The following PRKAG2 variants were observed in gnomAD, a reference collection of about 807,000 sequenced individuals.
PRKAG2 encodes protein kinase AMP-activated non-catalytic subunit gamma 2, also known as 5'-AMP-activated protein kinase subunit gamma-2.
A neutral mutation model predicts 69.6 loss-of-function variants in PRKAG2; 26 were observed. The observed-to-expected ratio is 0.37, with a 90% CI of 0.27 to 0.52. The LOEUF (loss-of-function observed/expected upper bound fraction) is 0.52. PRKAG2 is among the 20% of genes least tolerant of loss of function. The probability of loss-of-function intolerance (pLI) is 0.90; values close to 1 mark genes in which losing one functional copy is unlikely to be tolerated. For missense variants in PRKAG2, 557 were observed against 740.0 expected (o/e 0.75, Z 2.87); for synonymous variants, 293 against 285.0 (o/e 1.03, Z -0.28).
chr7:151,672,562 C>G (rs1380390542), intron 4 of PRKAG2, among the ~76,000 whole-genome samples: 3 of 151,824 alleles, frequency 2.0e-5, no homozygotes, highest in African/African-American at 7.3e-5. Context: ...GCCCCCGGTA[C>G]CCACCATTCT....
At chr7:151,778,022 A>AT (rs2076474916) in intron 3 of PRKAG2, among the ~76,000 whole-genome samples, 1 of 151,932 alleles carries the variant, frequency 6.6e-6, no homozygotes, top group Non-Finnish European at 1.5e-5. Context: ...TTTTGAGATA[A>AT]TTTTTTAGAC....
chr7:151,732,282 A>G (rs1212509857), intron 3 of PRKAG2, among the ~76,000 whole-genome samples: 3 of 151,842 alleles, frequency 2.0e-5, no homozygotes, highest in Admixed American at 2.0e-4. Flanking sequence ...GGGACTACCG[A>G]CATGCACCAC....
intron 5 of PRKAG2, among the ~76,000 whole-genome samples, chr7:151,629,726 C>T (rs970186934): frequency 3.3e-5 from 5 of 151,788 alleles, no homozygotes; most frequent in African/African-American, 1.2e-4. Flanking sequence ...CATGTGTTTC[C>T]ACGTACAGCG....
rs189767141 is a variant in PRKAG2 at position 151,814,402 on chromosome 7, G to T, written c.115-27861C>A. Reference sequence around the variant, plus strand: ...CTATGCATTTAGAAAGCCAGCTCCCGCAGGTCTGCTTACTCAGCCCCAAGG... The same window carrying T: ...CTATGCATTTAGAAAGCCAGCTCCCTCAGGTCTGCTTACTCAGCCCCAAGG... On this transcript the variant is annotated intron_variant, in intron 1 of 15. Transcript: ENST00000287878. This position sits in a 1 kb window ranked among gnomAD's most constrained non-coding sequence, Gnocchi z 4.8. 4.5e-3 allele frequency: 5,513 copies of T among 1,223,586 alleles called. 15 individuals are homozygous for T. Among genetic ancestry groups the T allele is most frequent in the Non-Finnish European group, 5.2e-3 (5,075 of 983,208 alleles). The allele number at this position is 1,223,586 out of a possible 1,614,324, so 75.8% of individuals were successfully genotyped here.
At position 151,756,582 on chromosome 7, in the gene PRKAG2, G is replaced by A. The variant is rs1329305434; in HGVS notation, c.466+24570C>T. ...CCAGGCTCCCGCTGGGCAGGAGACA[G>A]GGAGACACCTTGGGCAACATCTGAC... On this transcript the variant is annotated intron_variant, in intron 3 of 15. Coordinates refer to ENST00000287878, the MANE Select transcript of PRKAG2 (RefSeq NM_016203.4). The surrounding 1 kb of genome is among the most constrained non-coding windows in gnomAD (Gnocchi z 4.9). Among the ~76,000 whole-genome samples the A allele has an allele frequency of 6.6e-6, 1 of 152,212 alleles. No homozygotes were observed. Among genetic ancestry groups the A allele is most frequent in the Non-Finnish European group, 1.5e-5 (1 of 68,040 alleles).
At chr7:151,580,104 G>A (rs558816140) in intron 6 of PRKAG2, among the ~76,000 whole-genome samples, 1 of 152,334 alleles carries the variant, frequency 6.6e-6, no homozygotes, top group African/African-American at 2.4e-5. Context: ...AGCACTTTGG[G>A]AGGCCAAGGT....
At chr7:151,738,650 C>A (rs960398464) in intron 3 of PRKAG2, among the ~76,000 whole-genome samples, 1 of 152,280 alleles carries the variant, frequency 6.6e-6, no homozygotes, top group Non-Finnish European at 1.5e-5. Flanking sequence ...CTAGCCCAAC[C>A]TATTCCTTTA....
chr7:151,709,473 T>C (rs1343626081), intron 3 of PRKAG2, among the ~76,000 whole-genome samples: 1 of 152,210 alleles, frequency 6.6e-6, no homozygotes, highest in Non-Finnish European at 1.5e-5. Context: ...CATTGAGTGA[T>C]GTGACATTCT....
intron 3 of PRKAG2, among the ~76,000 whole-genome samples, chr7:151,765,758 A>T (rs371304522): frequency 5.9e-5 from 9 of 152,208 alleles, no homozygotes; most frequent in Non-Finnish European, 1.2e-4. Flanking sequence ...TACAACCCTT[A>T]ACAGTTACTA....
intron 1 of PRKAG2, among the ~76,000 whole-genome samples, chr7:151,866,992 C>CT (rs917750388): frequency 6.6e-6 from 1 of 152,198 alleles, no homozygotes; most frequent in African/African-American, 2.4e-5. Flanking sequence ...ACACCAGCCT[C>CT]TGTCACGTTA....
chr7:151,578,232 C>G (rs1483756129), intron 6 of PRKAG2, among the ~76,000 whole-genome samples: 2 of 152,156 alleles, frequency 1.3e-5, no homozygotes, highest in Non-Finnish European at 2.9e-5. Context: ...GTAATCCCAG[C>G]TACTCAGGAG....
chr7:151,856,783 C>G (rs1011125632), intron 1 of PRKAG2, among the ~76,000 whole-genome samples: 1 of 152,126 alleles, frequency 6.6e-6, no homozygotes. Flanking sequence ...GCCACGTGGC[C>G]GCCACAGGGA....
chr7:151,874,603 G>A (rs928007396), intron 1 of PRKAG2, among the ~76,000 whole-genome samples: 1 of 152,058 alleles, frequency 6.6e-6, no homozygotes, highest in African/African-American at 2.4e-5. Context: ...AGTTTTCCCG[G>A]GATGGGTGTG....
chr7:151,850,504 C>T lies in PRKAG2; in HGVS notation c.114+26003G>A, dbSNP rs1401328762. 5.9e-5 allele frequency among the ~76,000 whole-genome samples: 9 copies of T among 152,202 alleles called. No homozygotes were observed. The highest frequency in any genetic ancestry group is 8.8e-5 in the Non-Finnish European group (6 of 68,038). On this transcript the variant is annotated intron_variant, in intron 1 of 15. Coordinates refer to ENST00000287878, the MANE Select transcript of PRKAG2 (RefSeq NM_016203.4). This position sits in a 1 kb window ranked among gnomAD's most constrained non-coding sequence, Gnocchi z 4.1. ...CCTGCCATTGTGGAGGTGGGCAAAC[C>T]GAGGTTCAGAGATGGCATTGGCCAT...
intron 4 of PRKAG2, among the ~76,000 whole-genome samples, chr7:151,651,241 A>G (rs1027996190): frequency 6.6e-6 from 1 of 152,214 alleles, no homozygotes; most frequent in African/African-American, 2.4e-5. Context: ...TGCATTAGTC[A>G]GTGAGCCAAT....
intron 3 of PRKAG2, among the ~76,000 whole-genome samples, chr7:151,715,025 T>C (rs1795940148): frequency 6.6e-6 from 1 of 151,126 alleles, no homozygotes; most frequent in Admixed American, 6.6e-5. Flanking sequence ...CAATTTTTTT[T>C]TTTTTTTGAG....
chr7:151,854,715 G>A (rs1296083048), intron 1 of PRKAG2, among the ~76,000 whole-genome samples: 3 of 152,280 alleles, frequency 2.0e-5, no homozygotes, highest in East Asian at 3.9e-4. Flanking sequence ...GCATGAGTAC[G>A]GCCACAGAAT....
intron 9 of PRKAG2, among the ~76,000 whole-genome samples, chr7:151,570,726 T>C (rs1216259787): frequency 6.6e-6 from 1 of 152,184 alleles, no homozygotes; most frequent in Non-Finnish European, 1.5e-5. Flanking sequence ...ACATAAAAAC[T>C]GTTTTTTTCT....
intron 3 of PRKAG2, among the ~76,000 whole-genome samples, chr7:151,760,981 T>A (rs1319196404): frequency 5.9e-5 from 9 of 152,206 alleles, no homozygotes; most frequent in Non-Finnish European, 1.0e-4. Context: ...CAAGGATGCT[T>A]ATCACCTACA....
Sources: gnomAD v4.1 joint callset for allele counts (sites outside exome capture counted in the v4.1 genomes callset) on GRCh38, gnomAD v4.1.1 for gene constraint, Gnocchi (gnomAD v3.1) non-coding constraint, MANE v1.5 for transcripts, NCBI Gene and HGNC (gene_info 2026-07-23, HGNC 2026-07-21) for gene names.